USP7: variants seen among roughly 807,000 people sequenced by gnomAD.
USP7 encodes ubiquitin C-terminal hydrolase 7.
Under a neutral mutation model 162.9 loss-of-function variants are expected in USP7, and 9 were observed. The observed-to-expected ratio is 0.06, with a 90% CI of 0.03 to 0.10. The LOEUF (loss-of-function observed/expected upper bound fraction) is 0.10. Ranked by LOEUF, USP7 falls within the 10% of genes least tolerant of loss-of-function variation. The pLI is 1.00. For missense variants in USP7, 715 were observed against 1,373.7 expected, an observed-to-expected ratio of 0.52 and a Z score of 7.58; for synonymous variants, 562 against 475.9, an observed-to-expected ratio of 1.18 and a Z score of -2.35.
chr16:8,901,572 T>C (rs1430083660), intron 18 of USP7, among the ~76,000 whole-genome samples: 2 of 152,136 alleles, frequency 1.3e-5, no homozygotes, highest in Non-Finnish European at 2.9e-5. Context: ...AGATTGCGCA[T>C]GGTCTTGTGT....
At chr16:8,940,994 G>T (rs1420726461) in intron 1 of USP7, among the ~76,000 whole-genome samples, 1 of 152,150 alleles carries the variant, frequency 6.6e-6, no homozygotes, top group Non-Finnish European at 1.5e-5. Context: ...TCCCACTCCA[G>T]GACCCTTCTT....
intron 1 of USP7, among the ~76,000 whole-genome samples, chr16:8,931,217 C>A (rs1258214154): frequency 6.7e-6 from 1 of 149,536 alleles, no homozygotes; most frequent in Non-Finnish European, 1.5e-5. Flanking sequence ...GAGACAGAGT[C>A]TCGCTCTGTC....
intron 1 of USP7, among the ~76,000 whole-genome samples, chr16:8,959,017 A>T (rs1449455552): frequency 6.6e-6 from 1 of 152,104 alleles, no homozygotes; most frequent in Non-Finnish European, 1.5e-5. Context: ...GTTCTAACAT[A>T]GTGTCACATT....
chr16:8,918,805 T>A (rs866218298), intron 6 of USP7, among the ~76,000 whole-genome samples: 2 of 152,092 alleles, frequency 1.3e-5, no homozygotes, highest in South Asian at 4.1e-4. Context: ...CAAGACTCCA[T>A]CTCAATAAAG....
intron 1 of USP7, among the ~76,000 whole-genome samples, chr16:8,945,626 G>A (rs1212459982): frequency 6.6e-6 from 1 of 152,140 alleles, no homozygotes; most frequent in African/African-American, 2.4e-5. Flanking sequence ...CAGTAAAGAT[G>A]TTCTCCCCAA....
At position 8,919,020 on chromosome 16, in the gene USP7, T is replaced by C. The variant is rs1293774811; in HGVS notation, c.720+11A>G. The stretch of plus-strand genomic sequence containing the variant: ...GCGGAAGGCTGCAGGAGAGGAACAC[T>C]ATCCATTTACCTTTCGTAGCTGATT... On this transcript the variant is annotated intron_variant, in intron 6 of 30. Transcript: ENST00000344836. The C allele has an allele frequency of 1.2e-6, 2 of 1,612,596 alleles. No homozygotes were observed.
At chr16:8,898,680 T>C (rs1297724722) in intron 23 of USP7, 41 bp from the exon 24 acceptor site, 1 of 1,487,382 alleles carries the variant, frequency 6.7e-7, no homozygotes, top group Non-Finnish European at 9.1e-7. Context: ...ACTTGTTTAT[T>C]TGCCTAAAAA....
At chr16:8,933,222 G>A (rs1290720787) in intron 1 of USP7, among the ~76,000 whole-genome samples, 5 of 152,220 alleles carry the variant, frequency 3.3e-5, no homozygotes, top group Admixed American at 1.3e-4. Context: ...TCACTCATGA[G>A]CCACCGCACC....
chr16:8,934,473 G>A (rs1394318142), intron 1 of USP7, among the ~76,000 whole-genome samples: 1 of 152,204 alleles, frequency 6.6e-6, no homozygotes, highest in East Asian at 1.9e-4. Flanking sequence ...ATGGGGTGGG[G>A]GAAATGCGTA....
At chr16:8,909,092 C>A (rs969058067) in intron 11 of USP7, among the ~76,000 whole-genome samples, 12 of 152,222 alleles carry the variant, frequency 7.9e-5, no homozygotes, top group Non-Finnish European at 1.6e-4. Flanking sequence ...GGACAGGACA[C>A]CCCAACTTCT....
chr16:8,941,374 T>G (rs905457131), intron 1 of USP7, among the ~76,000 whole-genome samples: 5 of 152,206 alleles, frequency 3.3e-5, no homozygotes, highest in African/African-American at 9.6e-5. Flanking sequence ...AGTCTGCGGT[T>G]AACAACTTTT....
chr16:8,940,032 A>C (rs1898962261), intron 1 of USP7, among the ~76,000 whole-genome samples: 1 of 152,168 alleles, frequency 6.6e-6, no homozygotes. Flanking sequence ...AGGGAGGCGA[A>C]GGTTGTAGTG....
chr16:8,902,307 C>T, intron 17 of USP7, 74 bp downstream of exon 17: 2 of 1,576,574 alleles, frequency 1.3e-6, no homozygotes, highest in Non-Finnish European at 1.7e-6. Flanking sequence ...AAAAGGGAAA[C>T]AAGCTGCACT....
At chr16:8,902,028 C>G in intron 18 of USP7, 54 bp downstream of exon 18, 1 of 1,452,018 alleles carries the variant, frequency 6.9e-7, no homozygotes, top group East Asian at 2.3e-5. Flanking sequence ...AACAACAATC[C>G]AGGAATCCAA....
intron 26 of USP7, 151 bp downstream of exon 26, chr16:8,896,847 CA>C (rs1221987793): frequency 1.4e-6 from 1 of 719,322 alleles, no homozygotes; most frequent in African/African-American, 1.7e-5. Flanking sequence ...AGCTTCTGTG[CA>C]ACTGTCTTTG....
intron 21 of USP7, chr16:8,900,141 C>G (rs754886163): frequency 3.5e-4 from 127 of 360,160 alleles, no homozygotes; most frequent in Non-Finnish European, 5.9e-4. Context: ...TGCCATCGAG[C>G]CACTTTCAGA....
intron 10 of USP7, among the ~76,000 whole-genome samples, chr16:8,913,998 A>C (rs1323502751): frequency 6.6e-6 from 1 of 152,012 alleles, no homozygotes; most frequent in Non-Finnish European, 1.5e-5. Flanking sequence ...TCAGCCTCCC[A>C]AAGTGCTGAA....
chr16:8,904,669 G>A, intron 14 of USP7, 104 bp from the exon 15 acceptor site: 5 of 1,508,626 alleles, frequency 3.3e-6, no homozygotes, highest in East Asian at 4.6e-5. Flanking sequence ...TTAGGCCGGC[G>A]TGGTGGCTTA....
At chr16:8,915,151 C>G (rs2062009142) in intron 10 of USP7, 103 bp downstream of exon 10, 1 of 1,089,488 alleles carries the variant, frequency 9.2e-7, no homozygotes, top group Non-Finnish European at 1.3e-6. Context: ...GAGCCATTCT[C>G]TGTGTTTAGA....
Sources: allele counts gnomAD v4.1 joint callset (sites outside exome capture counted in the v4.1 genomes callset), GRCh38; gene constraint gnomAD v4.1.1; transcripts MANE v1.5; gene names NCBI Gene and HGNC (gene_info 2026-07-23, HGNC 2026-07-21).